The following KIAA1328 variants were observed in gnomAD, a reference collection of about 807,000 sequenced individuals.
The protein encoded by KIAA1328 is protein hinderin.
KIAA1328 carries 52 observed loss-of-function variants against 68.1 expected under a neutral mutation model. That is an observed-to-expected ratio of 0.76 (90% confidence interval 0.61 to 0.96). KIAA1328 has a LOEUF of 0.96. KIAA1328 is among the 40% of genes least tolerant of loss of function. The pLI is 0.00. For missense variants in KIAA1328, 641 were observed against 677.6 expected, an observed-to-expected ratio of 0.95 and a Z score of 0.60; for synonymous variants, 232 against 239.4, an observed-to-expected ratio of 0.97 and a Z score of 0.28.
In KIAA1328 at chr18:36,872,883, C is replaced by T. The variant is rs185964502; in HGVS notation, c.333-12674C>T. Reference sequence around the variant, plus strand: ...CACAAAATTTAGCAACTTAAAACCCCGGTAAGCTTCCTGGAGGCCCTATTG... The same window carrying T: ...CACAAAATTTAGCAACTTAAAACCCTGGTAAGCTTCCTGGAGGCCCTATTG... On this transcript the variant is annotated intron_variant, in intron 4 of 9. Coordinates refer to ENST00000280020, the MANE Select transcript of KIAA1328 (RefSeq NM_020776.3). Among the ~76,000 whole-genome samples, 9 of 152,230 alleles carry T rather than the reference C, an allele frequency of 5.9e-5. No individual in the cohort carries two copies. The East Asian group carries it at 1.2e-3, about 20-fold the overall frequency.
At chr18:37,065,659 G>T (rs1157725041) in intron 6 of KIAA1328, among the ~76,000 whole-genome samples, 2 of 152,122 alleles carry the variant, frequency 1.3e-5, no homozygotes, top group African/African-American at 4.8e-5. Context: ...TTTCAGAAAT[G>T]CACCTCCTTC....
chr18:37,096,028 G>A (rs936385394), intron 7 of KIAA1328, among the ~76,000 whole-genome samples: 1 of 151,784 alleles, frequency 6.6e-6, no homozygotes, highest in African/African-American at 2.4e-5. Context: ...GCCCGAACTG[G>A]GTGGCTTTAC....
intron 9 of KIAA1328, among the ~76,000 whole-genome samples, chr18:37,209,717 CT>C (rs2060280365): frequency 1.3e-5 from 2 of 151,702 alleles, no homozygotes; most frequent in African/African-American, 4.8e-5. Context: ...GGTTTTTGGC[CT>C]GAGCCACTGG....
intron 3 of KIAA1328, among the ~76,000 whole-genome samples, chr18:36,836,216 G>A (rs973531173): frequency 2.6e-5 from 4 of 152,172 alleles, no homozygotes; most frequent in East Asian, 1.9e-4. Context: ...CCTACTTTAC[G>A]TTACTTGTAC....
At chr18:36,966,271 T>C (rs1159638651) in intron 6 of KIAA1328, among the ~76,000 whole-genome samples, 1 of 152,146 alleles carries the variant, frequency 6.6e-6, no homozygotes, top group East Asian at 1.9e-4. Flanking sequence ...TAGAAGTCTG[T>C]TTAGATGAAA....
intron 6 of KIAA1328, among the ~76,000 whole-genome samples, chr18:37,011,491 C>A (rs1411859350): frequency 6.6e-6 from 1 of 152,146 alleles, no homozygotes; most frequent in African/African-American, 2.4e-5. Flanking sequence ...TCATCCTAAT[C>A]CAAGTCTACT....
At chr18:36,895,358 T>C (rs2048835032) in intron 5 of KIAA1328, among the ~76,000 whole-genome samples, 1 of 152,018 alleles carries the variant, frequency 6.6e-6, no homozygotes. Context: ...AGAGTAGGGG[T>C]GAGAAAGTGA....
At chr18:37,105,878 C>G (rs1007493680) in intron 7 of KIAA1328, among the ~76,000 whole-genome samples, 3 of 125,656 alleles carry the variant, frequency 2.4e-5, no homozygotes, top group African/African-American at 9.4e-5. Flanking sequence ...GATTGCTCCA[C>G]TGCGCTCCAG....
intron 9 of KIAA1328, among the ~76,000 whole-genome samples, chr18:37,219,630 G>A (rs1028737858): frequency 2.6e-5 from 4 of 152,206 alleles, no homozygotes; most frequent in African/African-American, 7.2e-5. Flanking sequence ...GGGACCTACT[G>A]AGCCAGGTGT....
intron 7 of KIAA1328, among the ~76,000 whole-genome samples, chr18:37,113,610 A>G (rs2058008873): frequency 6.6e-6 from 1 of 152,206 alleles, no homozygotes; most frequent in African/African-American, 2.4e-5. Flanking sequence ...CTAACGAGCA[A>G]AATAACCAGC....
At chr18:37,132,700 T>G (rs2058551019) in intron 7 of KIAA1328, among the ~76,000 whole-genome samples, 1 of 152,224 alleles carries the variant, frequency 6.6e-6, no homozygotes, top group African/African-American at 2.4e-5. Context: ...GGAATAGGGC[T>G]CCTTTTCAAA....
At chr18:37,089,523 C>T (rs541466784) in intron 7 of KIAA1328, among the ~76,000 whole-genome samples, 29 of 151,910 alleles carry the variant, frequency 1.9e-4, no homozygotes, top group South Asian at 4.2e-4. Context: ...TACAGGTGCA[C>T]GCCGCCATGC....
intron 7 of KIAA1328, among the ~76,000 whole-genome samples, chr18:37,111,925 T>A (rs1167372930): frequency 1.3e-5 from 2 of 152,148 alleles, no homozygotes; most frequent in Non-Finnish European, 2.9e-5. Flanking sequence ...CACTCACTGC[T>A]AGCAGACCAG....
chr18:36,977,787 T>G (rs2052528327), intron 6 of KIAA1328, among the ~76,000 whole-genome samples: 1 of 152,110 alleles, frequency 6.6e-6, no homozygotes, highest in South Asian at 2.1e-4. Flanking sequence ...TATTTTATTT[T>G]ATTTTTTATT....
chr18:37,018,119 G>A (rs2054215695), intron 6 of KIAA1328, among the ~76,000 whole-genome samples: 1 of 152,066 alleles, frequency 6.6e-6, no homozygotes, highest in African/African-American at 2.4e-5. Context: ...TCCATACTTA[G>A]AACTCCCGTA....
chr18:37,099,318 T>G (rs1042214974), intron 7 of KIAA1328, among the ~76,000 whole-genome samples: 1 of 152,216 alleles, frequency 6.6e-6, no homozygotes, highest in African/African-American at 2.4e-5. Context: ...ATTTCTGCCT[T>G]CATTTTGTTG....
intron 6 of KIAA1328, among the ~76,000 whole-genome samples, chr18:37,028,636 A>G (rs934757587): frequency 1.3e-5 from 2 of 151,820 alleles, no homozygotes; most frequent in African/African-American, 2.4e-5. Flanking sequence ...GCTTTTTCCC[A>G]TTAGTATGAT....
intron 6 of KIAA1328, among the ~76,000 whole-genome samples, chr18:36,991,978 G>A (rs1471841992): frequency 2.6e-5 from 4 of 152,162 alleles, no homozygotes; most frequent in South Asian, 2.1e-4. Flanking sequence ...CTCACAAATG[G>A]CATCTAATGG....
At chr18:36,971,646 T>A (rs528531435) in intron 6 of KIAA1328, among the ~76,000 whole-genome samples, 1 of 151,752 alleles carries the variant, frequency 6.6e-6, no homozygotes, top group Non-Finnish European at 1.5e-5. Context: ...AAAATAAATT[T>A]AAAAAATGTG....
Sources: gnomAD v4.1 joint callset for allele counts (sites outside exome capture counted in the v4.1 genomes callset) on GRCh38, gnomAD v4.1.1 for gene constraint, MANE v1.5 for transcripts, NCBI Gene and HGNC (gene_info 2026-07-23, HGNC 2026-07-21) for gene names.